The following DOCK4 variants were observed in gnomAD, a reference collection of about 807,000 sequenced individuals.
DOCK4 encodes dedicator of cytokinesis 4.
A neutral mutation model predicts 268.1 loss-of-function variants in DOCK4; 97 were observed. That is an observed-to-expected ratio of 0.36 (90% CI 0.31 to 0.43). The LOEUF (loss-of-function observed/expected upper bound fraction) is 0.43, where lower values mean the gene tolerates loss of function less well. Among genes scored for constraint, DOCK4 ranks in the 20% least tolerant of loss-of-function variants. The probability of loss-of-function intolerance (pLI) is 1.00; values close to 1 mark genes in which losing one functional copy is unlikely to be tolerated. For synonymous variants in DOCK4, 954 were observed against 887.2 expected, an observed-to-expected ratio of 1.08 and a Z score of -1.34; for missense variants, 2,145 against 2,455.7, an observed-to-expected ratio of 0.87 and a Z score of 2.67.
chr7:111,790,484 C>T lies in DOCK4; in HGVS notation c.3288G>A (p.Glu1096=), dbSNP rs1300655219. 6.2e-7 allele frequency: 1 copy of T among 1,613,940 alleles called. No individual in the cohort carries two copies. Among genetic ancestry groups the T allele is most frequent in the Admixed American group, 1.7e-5 (1 of 60,016 alleles). ...IPIFHDMMDW[E]QRRSGNFKQV... is the part of the protein sequence containing the mutation. ...GTTTAAAGTTGCCACTCCGCCTCTG[C>T]TCCCAGTCCATCATATCATGAAAAA... Residue 1096 remains glutamate (E), a synonymous_variant, in exon 31 of 53, where the codon GAG becomes GAA. Transcript: ENST00000428084.
At chr7:112,158,812 T>C (rs1234422019) in intron 1 of DOCK4, among the ~76,000 whole-genome samples, 1 of 152,198 alleles carries the variant, frequency 6.6e-6, no homozygotes, top group African/African-American at 2.4e-5. Context: ...TAAATGGATG[T>C]TTCTCAAGCT....
intron 1 of DOCK4, among the ~76,000 whole-genome samples, chr7:112,200,940 C>G (rs1262594628): frequency 6.6e-6 from 1 of 151,994 alleles, no homozygotes; most frequent in African/African-American, 2.4e-5. Flanking sequence ...AGGTATAAAT[C>G]ATTTCTCTTC....
chr7:111,935,668 A>T (rs1270689701), intron 11 of DOCK4, 40 bp from the exon 12 acceptor site: 1 of 1,541,968 alleles, frequency 6.5e-7, no homozygotes. Flanking sequence ...TTAATGATGC[A>T]TGCAGTCAAG....
chr7:112,105,208 T>C (rs1332072562), intron 1 of DOCK4, among the ~76,000 whole-genome samples: 1 of 152,244 alleles, frequency 6.6e-6, no homozygotes, highest in African/African-American at 2.4e-5. Context: ...AGCTATTTTC[T>C]CTTATTTATC....
chr7:112,039,615 T>C (rs1201699566), intron 1 of DOCK4, among the ~76,000 whole-genome samples: 3 of 152,112 alleles, frequency 2.0e-5, no homozygotes, highest in East Asian at 1.9e-4. Context: ...CAGCTTTACC[T>C]AGGTATATGG....
chr7:112,155,748 G>A (rs987207878), intron 1 of DOCK4, among the ~76,000 whole-genome samples: 4 of 152,008 alleles, frequency 2.6e-5, no homozygotes, highest in Non-Finnish European at 5.9e-5. Context: ...GCTAATGAAG[G>A]TAATGGACGG....
intron 1 of DOCK4, among the ~76,000 whole-genome samples, chr7:112,119,983 G>A (rs1453113704): frequency 6.6e-6 from 1 of 151,910 alleles, no homozygotes; most frequent in Non-Finnish European, 1.5e-5. Flanking sequence ...AAGTAGCTGG[G>A]ACTACAGGTG....
intron 27 of DOCK4, among the ~76,000 whole-genome samples, chr7:111,814,036 C>G (rs1022477909): frequency 1.3e-5 from 2 of 152,196 alleles, no homozygotes; most frequent in African/African-American, 4.8e-5. Flanking sequence ...TTAAAAATCA[C>G]CTTGTGGTCC....
intron 1 of DOCK4, among the ~76,000 whole-genome samples, chr7:112,205,333 C>T (rs552508679): frequency 2.6e-5 from 4 of 152,246 alleles, no homozygotes; most frequent in African/African-American, 7.2e-5. Context: ...ATTTATCACT[C>T]AGCAGCCCTG....
chr7:112,196,540 G>C (rs1317520161), intron 1 of DOCK4, among the ~76,000 whole-genome samples: 1 of 152,096 alleles, frequency 6.6e-6, no homozygotes, highest in Non-Finnish European at 1.5e-5. Context: ...TCTCTCAACA[G>C]AATTAAAAAG....
chr7:112,189,754 T>G (rs1482002844), intron 1 of DOCK4, among the ~76,000 whole-genome samples: 1 of 145,338 alleles, frequency 6.9e-6, no homozygotes, highest in African/African-American at 2.5e-5. Flanking sequence ...TTGTTTTTTT[T>G]TTTTTTTTTT....
chr7:111,836,788 A>G (rs1330799033), intron 25 of DOCK4, among the ~76,000 whole-genome samples: 1 of 152,110 alleles, frequency 6.6e-6, no homozygotes, highest in South Asian at 2.1e-4. Context: ...AGAAGAAAAG[A>G]TTATTGAACT....
intron 41 of DOCK4, among the ~76,000 whole-genome samples, chr7:111,758,251 T>A (rs973218650): frequency 4.6e-5 from 7 of 152,190 alleles, no homozygotes; most frequent in Admixed American, 1.3e-4. Flanking sequence ...TACGTGAAAA[T>A]AAACATCCCA....
intron 4 of DOCK4, among the ~76,000 whole-genome samples, chr7:111,994,498 C>G (rs1685640009): frequency 6.6e-6 from 1 of 152,164 alleles, no homozygotes; most frequent in African/African-American, 2.4e-5. Context: ...ACTCCAGTAC[C>G]AGTTCACGAC....
At chr7:111,867,875 T>C (rs941922255) in intron 22 of DOCK4, 109 bp downstream of exon 22, 38 of 1,094,756 alleles carry the variant, frequency 3.5e-5, no homozygotes, top group Middle Eastern at 2.1e-4. Flanking sequence ...AAATATAAAC[T>C]GGAGCAATTG....
chr7:111,739,777 G>A (rs1164806839), intron 47 of DOCK4: 1 of 400,324 alleles, frequency 2.5e-6, no homozygotes, highest in East Asian at 5.6e-5. Flanking sequence ...TCCAGCCTAG[G>A]GCCCAAAAAC....
intron 17 of DOCK4, among the ~76,000 whole-genome samples, chr7:111,875,448 G>C (rs1224434940): frequency 6.6e-6 from 1 of 152,196 alleles, no homozygotes; most frequent in Non-Finnish European, 1.5e-5. Context: ...AGGTTTACCT[G>C]TGTGGTAGGC....
rs144121076 is a variant in DOCK4, at chr7:112,177,650, A to G, written c.37+28452T>C. Among the ~76,000 whole-genome samples the G allele has an allele frequency of 2.7e-3, 406 of 152,356 alleles. 2 individuals are homozygous for G. The highest frequency in any genetic ancestry group is 4.3e-3 in the Non-Finnish European group (291 of 68,040). ...TTTTTGGTTTCTGATAGCTAATCACATGGAAATGACTGGTTTTGCACAACT... is the reference window on the plus strand; with the variant it reads ...TTTTTGGTTTCTGATAGCTAATCACGTGGAAATGACTGGTTTTGCACAACT... On this transcript the variant is annotated intron_variant, in intron 1 of 52. Transcript: ENST00000428084.
chr7:111,832,536 T>C (rs74324394), intron 26 of DOCK4, among the ~76,000 whole-genome samples: 2 of 149,024 alleles, frequency 1.3e-5, no homozygotes, highest in African/African-American at 2.4e-5. Flanking sequence ...GGCCTTGCTA[T>C]TTTTTTTTTC....
Sources: allele counts gnomAD v4.1 joint callset (sites outside exome capture counted in the v4.1 genomes callset), GRCh38; gene constraint gnomAD v4.1.1; transcripts MANE v1.5; gene names NCBI Gene and HGNC (gene_info 2026-07-23, HGNC 2026-07-21).